RAD51B: variants seen among roughly 807,000 people sequenced by gnomAD.
RAD51B encodes RAD51 paralog B, also known as DNA repair protein RAD51 homolog 2.
A neutral mutation model predicts 42.2 loss-of-function variants in RAD51B; 38 were observed. The observed-to-expected ratio is 0.90, with a 90% confidence interval of 0.70 to 1.18. The LOEUF (loss-of-function observed/expected upper bound fraction) is 1.18. RAD51B is among the 50% of genes most tolerant of loss of function. The pLI is 0.00. For missense variants in RAD51B, 373 were observed against 400.7 expected (o/e 0.93, Z 0.59); for synonymous variants, 154 against 145.2 (o/e 1.06, Z -0.43).
chr14:68,281,006 G>A (rs973675034), intron 7 of RAD51B, among the ~76,000 whole-genome samples: 13 of 151,926 alleles, frequency 8.6e-5, no homozygotes, highest in African/African-American at 2.4e-4. Flanking sequence ...GCAGTGAGCC[G>A]TGATTGCACT....
chr14:67,935,845 C>T (rs1178478629), intron 7 of RAD51B, among the ~76,000 whole-genome samples: 1 of 152,040 alleles, frequency 6.6e-6, no homozygotes, highest in East Asian at 1.9e-4. Flanking sequence ...AGAACTGAGA[C>T]AAGGTCAAGT....
At position 67,876,934 on chromosome 14, in the gene RAD51B, G is replaced by A. The variant is rs188359549; in HGVS notation, c.453-8935G>A. ...AGGTTTTCAGGGATATTGTTTTGGG[G>A]TTTGATGGACTAAGAGTATAAAGGT... On this transcript the variant is annotated intron_variant, in intron 5 of 10. Transcript: ENST00000471583. Among the ~76,000 whole-genome samples, 894 of 152,290 alleles carry A rather than the reference G, an allele frequency of 5.9e-3. 3 individuals carry two copies. The highest frequency in any genetic ancestry group is 9.6e-3 in the Non-Finnish European group (650 of 68,026).
At chr14:68,504,518 G>A (rs12887354) in intron 10 of RAD51B, among the ~76,000 whole-genome samples, 1 of 152,204 alleles carries the variant, frequency 6.6e-6, no homozygotes, top group African/African-American at 2.4e-5. Flanking sequence ...GAAGACTGGA[G>A]AAATGTGTCT....
chr14:68,359,429 G>T lies in RAD51B; in HGVS notation c.854-51995G>T, dbSNP rs143184543. 6.4e-3 allele frequency among the ~76,000 whole-genome samples: 971 copies of T among 152,222 alleles called. 5 individuals carry two copies. Among genetic ancestry groups the T allele is most frequent in the African/African-American group, 0.02 (847 of 41,534 alleles). ...TGGGTAAAGGAGAATGGTAATCACT[G>T]GGGTTGGAGGAGGGAGAATGAAAAC... On this transcript the variant is annotated intron_variant, in intron 8 of 10. Coordinates refer to ENST00000471583, the MANE Select transcript of RAD51B (RefSeq NM_133510.4).
chr14:68,555,071 C>T (rs1888765871), intron 10 of RAD51B, among the ~76,000 whole-genome samples: 1 of 152,154 alleles, frequency 6.6e-6, no homozygotes, highest in Non-Finnish European at 1.5e-5. Flanking sequence ...TAGTCTCCAA[C>T]TCCTGACCTC....
chr14:68,429,814 T>C (rs937056634), intron 9 of RAD51B, among the ~76,000 whole-genome samples: 9 of 147,800 alleles, frequency 6.1e-5, no homozygotes, highest in African/African-American at 2.4e-4. Flanking sequence ...AGACATGAAG[T>C]CCTTACCCAT....
At chr14:68,398,104 C>G (rs1037278745) in intron 8 of RAD51B, among the ~76,000 whole-genome samples, 1 of 152,328 alleles carries the variant, frequency 6.6e-6, no homozygotes, top group East Asian at 1.9e-4. Context: ...TCCACCATGA[C>G]GTGCTCTCCA....
chr14:68,223,318 T>C (rs768566854), intron 7 of RAD51B, among the ~76,000 whole-genome samples: 1 of 152,246 alleles, frequency 6.6e-6, no homozygotes, highest in Non-Finnish European at 1.5e-5. Flanking sequence ...AGGATATGTA[T>C]GTTTTTAATA....
At position 67,828,308 on chromosome 14, in the gene RAD51B, C is replaced by T. The variant is rs528850149; in HGVS notation, c.198+2731C>T. Among the ~76,000 whole-genome samples, 4 of 149,914 alleles carry T rather than the reference C, an allele frequency of 2.7e-5. No individual in the cohort carries two copies. The South Asian group carries it at 6.3e-4, about 23-fold the overall frequency. Reference sequence around the variant, plus strand: ...TGTCTTCTTTTGAAAAGTATCTGTTCATGTTCTTAGCCCACTTTTTAATGG... The same window carrying T: ...TGTCTTCTTTTGAAAAGTATCTGTTTATGTTCTTAGCCCACTTTTTAATGG... On this transcript the variant is annotated intron_variant, in intron 3 of 10. Transcript: ENST00000471583.
At chr14:68,248,985 G>T (rs1467128985) in intron 7 of RAD51B, among the ~76,000 whole-genome samples, 1 of 152,238 alleles carries the variant, frequency 6.6e-6, no homozygotes, top group Non-Finnish European at 1.5e-5. Context: ...TGCCCGAATG[G>T]CACCAGGCCC....
At chr14:68,059,794 A>G (rs910913407) in intron 7 of RAD51B, among the ~76,000 whole-genome samples, 1 of 152,194 alleles carries the variant, frequency 6.6e-6, no homozygotes, top group Non-Finnish European at 1.5e-5. Context: ...TGGCAATATC[A>G]TATCCATTTT....
chr14:68,574,752 A>T (rs1407499895), intron 10 of RAD51B, among the ~76,000 whole-genome samples: 2 of 152,148 alleles, frequency 1.3e-5, no homozygotes, highest in Non-Finnish European at 2.9e-5. Flanking sequence ...AACAGAAAAT[A>T]GTTTATTTTT....
chr14:68,578,385 T>A (rs1476213832), intron 10 of RAD51B, among the ~76,000 whole-genome samples: 1 of 152,072 alleles, frequency 6.6e-6, no homozygotes, highest in Non-Finnish European at 1.5e-5. Flanking sequence ...CACTCCAGCT[T>A]GGGCAACAAG....
chr14:68,513,806 A>G (rs775619477), intron 10 of RAD51B, among the ~76,000 whole-genome samples: 1 of 152,166 alleles, frequency 6.6e-6, no homozygotes, highest in African/African-American at 2.4e-5. Context: ...ATTTAAATCA[A>G]TTTAAGTGAA....
At chr14:68,608,756 C>T (rs112788468) in intron 10 of RAD51B, among the ~76,000 whole-genome samples, 2 of 152,192 alleles carry the variant, frequency 1.3e-5, no homozygotes, top group Admixed American at 1.3e-4. Flanking sequence ...CTCTGGGAGC[C>T]TCCTGGCTTC....
chr14:67,906,269 T>C (rs2043778906), intron 7 of RAD51B, among the ~76,000 whole-genome samples: 1 of 152,146 alleles, frequency 6.6e-6, no homozygotes. Flanking sequence ...GATGAGCTTT[T>C]TGATTTGCTG....
intron 7 of RAD51B, among the ~76,000 whole-genome samples, chr14:68,086,902 A>C (rs1326844401): frequency 6.6e-6 from 1 of 152,042 alleles, no homozygotes; most frequent in Non-Finnish European, 1.5e-5. Flanking sequence ...TTGGGAGGCC[A>C]AGGTGGGTGG....
chr14:68,267,712 T>C (rs1156242874), intron 7 of RAD51B, among the ~76,000 whole-genome samples: 1 of 152,238 alleles, frequency 6.6e-6, no homozygotes, highest in African/African-American at 2.4e-5. Flanking sequence ...TATGTCTCTC[T>C]AGCTCACAAT....
intron 11 of RAD51B, among the ~76,000 whole-genome samples, chr14:68,654,709 G>T (rs940831901): frequency 6.6e-6 from 1 of 152,156 alleles, no homozygotes; most frequent in Non-Finnish European, 1.5e-5. Flanking sequence ...CAACTCTACC[G>T]CGGCCTTGAG....
Sources: allele counts gnomAD v4.1 joint callset (sites outside exome capture counted in the v4.1 genomes callset), GRCh38; gene constraint gnomAD v4.1.1; transcripts MANE v1.5; gene names NCBI Gene and HGNC (gene_info 2026-07-23, HGNC 2026-07-21).